Variants in SLCO4A1 observed in about 807,000 individuals in gnomAD.
SLCO4A1 encodes solute carrier organic anion transporter family member 4A1.
SLCO4A1 carries 51 observed loss-of-function variants against 64.6 expected under a neutral mutation model. That is an observed-to-expected ratio of 0.79 (90% CI 0.63 to 1.00). The LOEUF (loss-of-function observed/expected upper bound fraction) is 1.00. Ranked by LOEUF, SLCO4A1 falls within the 50% of genes least tolerant of loss-of-function variation. SLCO4A1 has a pLI of 0.00. For missense variants in SLCO4A1, 919 were observed against 980.5 expected, an observed-to-expected ratio of 0.94 and a Z score of 0.84; for synonymous variants, 471 against 444.9, an observed-to-expected ratio of 1.06 and a Z score of -0.74.
In SLCO4A1 at chr20:62,664,973, G is replaced by T; in HGVS notation, c.1161G>T (p.Leu387=). ...TGCTGAAGAACCCCACGTTCATCCT[G>T]CTCTGCCTGGCCGGGGCCACCGAGG... is the stretch of plus-strand genomic sequence containing the variant. ...WLLLKNPTFI[L]LCLAGATEAT... is the part of the protein sequence containing the mutation. The change falls in exon 6 of 12, where the codon CTG becomes CTT. Residue 387 remains leucine (L), a synonymous_variant. Coordinates refer to ENST00000217159, the MANE Select transcript of SLCO4A1 (RefSeq NM_016354.4). The T allele has an allele frequency of 4.3e-6, 7 of 1,613,340 alleles. No homozygotes were observed. Among genetic ancestry groups the T allele is most frequent in the Non-Finnish European group, 5.9e-6 (7 of 1,179,674 alleles).
chr20:62,687,964 G>A (rs746888316), downstream of SLCO4A1, among the ~76,000 whole-genome samples: 32 of 151,836 alleles, frequency 2.1e-4, no homozygotes, highest in Non-Finnish European at 4.4e-4. Context: ...GCCACCCCCG[G>A]GCCTTACCCA....
rs1364289277 is a variant in SLCO4A1 at position 62,667,741 on chromosome 20, G to T, written c.1473-4G>T. The T allele has an allele frequency of 6.9e-6, 11 of 1,605,118 alleles. No homozygotes were observed. Among genetic ancestry groups the T allele is most frequent in the Non-Finnish European group, 7.7e-6 (9 of 1,175,556 alleles). On this transcript the variant is annotated splice_polypyrimidine_tract_variant and splice_region_variant and intron_variant, in intron 7 of 11. Coordinates refer to ENST00000217159, the MANE Select transcript of SLCO4A1 (RefSeq NM_016354.4). ...CCTACCACTCGCTTGTCCCCCCTCT[G>T]CAGCCTCCTGCCCGAAGGCCACCTG... is the stretch of plus-strand genomic sequence containing the variant.
At chr20:62,650,059 C>A (rs1490401183) in intron 1 of SLCO4A1, 2 of 152,232 alleles carry the variant, frequency 1.3e-5, no homozygotes, top group African/African-American at 2.4e-5. Context: ...CCGGGGGAAG[C>A]TGAGGGTGTG....
Position 62,668,073 on chromosome 20 carries a change from C to A in SLCO4A1, c.1700C>A (p.Ala567Glu). 6.2e-7 allele frequency: 1 copy of A among 1,614,012 alleles called. No homozygotes were observed. The highest frequency in any genetic ancestry group is 8.5e-7 in the Non-Finnish European group (1 of 1,180,006). Residue 567 changes from alanine to glutamate, a missense_variant, in exon 9 of 12, where the codon GCA becomes GAA. Physicochemically the swap from Ala to Glu is moderately radical, Grantham distance 107. Coordinates refer to ENST00000217159, the MANE Select transcript of SLCO4A1 (RefSeq NM_016354.4). The part of the protein sequence containing the change: ...NLSSGFGHAT[A>E]GKCTSTCQRK... ...TCCTCTGGTTTTGGCCATGCCACTG[C>A]AGGGAAATGCACTTCAACTTGTCAG... is the stretch of plus-strand genomic sequence containing the variant.
At chr20:62,643,592 C>CT (rs1388937700) in intron 1 of SLCO4A1, among the ~76,000 whole-genome samples, 1 of 152,260 alleles carries the variant, frequency 6.6e-6, no homozygotes. Context: ...ATGCAACCAG[C>CT]TTGTCAGCTG....
downstream of SLCO4A1, among the ~76,000 whole-genome samples, chr20:62,688,719 G>A (rs1037896910): frequency 1.1e-4 from 16 of 152,162 alleles, no homozygotes; most frequent in African/African-American, 3.9e-4. Context: ...CCCTGACTTG[G>A]GTTGTGTCCA....
chr20:62,670,154 A>T (rs1177212131), intron 11 of SLCO4A1: 2 of 152,222 alleles, frequency 1.3e-5, no homozygotes, highest in East Asian at 3.8e-4. Flanking sequence ...CTTTGGGGAT[A>T]TTGGATACTA....
chr20:62,660,322 C>A, intron 3 of SLCO4A1, 90 bp from the exon 4 acceptor site: 1 of 1,498,286 alleles, frequency 6.7e-7, no homozygotes, highest in South Asian at 1.2e-5. Flanking sequence ...GAGGTCTGCC[C>A]GGAGGAGGGG....
rs930178578 is a variant in SLCO4A1, at chr20:62,667,824, G to T, written c.1552G>T (p.Val518Leu). Residue 518 changes from valine (V) to leucine (L), a missense_variant, in exon 8 of 12, where the codon GTG (valine) becomes TTG (leucine). By Grantham distance (32) the Val-to-Leu change is conservative. Transcript: ENST00000217159. ...CSCQPEHYSPVCGSDGLMYFS... is the reference protein window; with the variant it reads ...CSCQPEHYSPLCGSDGLMYFS... ...CTGCCAGCCAGAACACTACAGCCCT[G>T]TGTGCGGCTCGGACGGCCTCATGTA... The T allele has an allele frequency of 3.1e-6, 5 of 1,613,288 alleles. No individual in the cohort carries two copies. Among genetic ancestry groups the T allele is most frequent in the Non-Finnish European group, 4.2e-6 (5 of 1,180,048 alleles).
chr20:62,675,704 C>T (rs532274655), downstream of SLCO4A1, among the ~76,000 whole-genome samples: 1 of 152,332 alleles, frequency 6.6e-6, no homozygotes, highest in South Asian at 2.1e-4. Context: ...CCACACAGGC[C>T]CCCCGCTTCT....
downstream of SLCO4A1, among the ~76,000 whole-genome samples, chr20:62,688,233 G>A (rs1988127552): frequency 6.6e-6 from 1 of 152,192 alleles, no homozygotes; most frequent in Non-Finnish European, 1.5e-5. Flanking sequence ...CATCCCAGAG[G>A]GCAAGGAGGA....
chr20:62,672,131 A>G lies in SLCO4A1; in HGVS notation c.*238A>G, dbSNP rs1267699349. ...ACACAGTTTGCATCAGAACGTGTTT[A>G]TAGAATGTGTTTTATACCCGATCGT... On this transcript the variant is annotated 3_prime_UTR_variant, in exon 12 of 12. Transcript: ENST00000217159. 7.1e-7 allele frequency: 1 copy of G among 1,413,052 alleles called. No individual in the cohort carries two copies. The highest frequency in any genetic ancestry group is 1.4e-5 in the African/African-American group (1 of 69,496). 87.5% of individuals were successfully genotyped at this position (1,413,052 alleles called of 1,614,324 possible). A position where few individuals can be genotyped will look rare whatever the true frequency, so the allele number is the denominator to read the frequency against.
downstream of SLCO4A1, among the ~76,000 whole-genome samples, chr20:62,675,729 G>A (rs1464258224): frequency 3.3e-5 from 5 of 152,220 alleles, no homozygotes; most frequent in Admixed American, 6.5e-5. Context: ...GATCACGGGC[G>A]CACCCAGCCT....
At chr20:62,668,252 G>A (rs777549004) in intron 9 of SLCO4A1, 68 bp downstream of exon 9, 57 of 1,570,368 alleles carry the variant, frequency 3.6e-5, no homozygotes, top group Non-Finnish European at 4.8e-5. Context: ...GAGCTCTGCA[G>A]ATCCTGAGAC....
At chr20:62,643,484 G>A (rs111780196) in intron 1 of SLCO4A1, among the ~76,000 whole-genome samples, 1 of 152,278 alleles carries the variant, frequency 6.6e-6, no homozygotes, top group Non-Finnish European at 1.5e-5. Context: ...GGGGTGCCCC[G>A]CTTGGCGTGC....
At chr20:62,682,842 AG>A (rs1987898346) in intron 2 of SLCO4A1, among the ~76,000 whole-genome samples, 1 of 152,198 alleles carries the variant, frequency 6.6e-6, no homozygotes, top group African/African-American at 2.4e-5. Flanking sequence ...CCCCCATCAT[AG>A]GGCATGGCGA....
At position 62,671,783 on chromosome 20, in the gene SLCO4A1, T is replaced by G; in HGVS notation, c.2059T>G (p.Phe687Val). 6.2e-7 allele frequency: 1 copy of G among 1,613,686 alleles called. No individual in the cohort carries two copies. Among genetic ancestry groups the G allele is most frequent in the Non-Finnish European group, 8.5e-7 (1 of 1,180,012 alleles). Residue 687 changes from phenylalanine to valine, a missense_variant, in exon 12 of 12, where the codon TTC becomes GTC. By Grantham distance (50) the Phe-to-Val change is conservative (BLOSUM62 -1). Coordinates refer to ENST00000217159, the MANE Select transcript of SLCO4A1 (RefSeq NM_016354.4). Reference protein sequence around the residue: ...LGVLFFAIACFLYKPLSESSD... With the variant: ...LGVLFFAIACVLYKPLSESSD... ...CGTCCTCTTCTTTGCCATAGCCTGC[T>G]TCTTATACAAGCCCCTGTCGGAGTC... is the stretch of plus-strand genomic sequence containing the variant.
downstream of SLCO4A1, among the ~76,000 whole-genome samples, chr20:62,675,786 G>A (rs951287751): frequency 1.6e-4 from 25 of 152,362 alleles, no homozygotes; most frequent in South Asian, 5.2e-3. Flanking sequence ...ATGCTGGCCT[G>A]GGTCCTGGAT....
At chr20:62,646,361 C>G (rs4264609) in intron 1 of SLCO4A1, among the ~76,000 whole-genome samples, 1 of 152,256 alleles carries the variant, frequency 6.6e-6, no homozygotes, top group Non-Finnish European at 1.5e-5. Flanking sequence ...AAGGACTAGC[C>G]TGAGAACTGG....
Sources: allele counts gnomAD v4.1 joint callset (sites outside exome capture counted in the v4.1 genomes callset), GRCh38; gene constraint gnomAD v4.1.1; transcripts MANE v1.5; gene names NCBI Gene and HGNC (gene_info 2026-07-23, HGNC 2026-07-21).